Variants in ANKRD11 observed in about 807,000 individuals in gnomAD.
ANKRD11 encodes the protein ankyrin repeat domain-containing protein 11.
A neutral mutation model predicts 195.7 loss-of-function variants in ANKRD11; 17 were observed. The ratio of observed to expected loss-of-function variants is 0.09; its 90% CI spans 0.06 to 0.13. ANKRD11 has a LOEUF of 0.13. Ranked by LOEUF, ANKRD11 falls within the 10% of genes least tolerant of loss-of-function variation. ANKRD11 has a pLI of 1.00. For synonymous variants in ANKRD11, 1,953 were observed against 1,528.1 expected (o/e 1.28, Z -6.49); for missense variants, 3,735 against 3,566.1 (o/e 1.05, Z -1.21).
At position 89,281,346 on chromosome 16, in the gene ANKRD11, G is replaced by A. The variant is rs567432230; in HGVS notation, c.5196C>T (p.Tyr1732=). Residue 1732 remains tyrosine (Y), a synonymous_variant, in exon 9 of 13, where the codon TAC becomes TAT. Coordinates refer to ENST00000301030, the MANE Select transcript of ANKRD11 (RefSeq NM_013275.6). This position sits in a 1 kb window ranked among gnomAD's most constrained non-coding sequence, Gnocchi z 5.5. ...CGGCGCAGTCGAACACGAGGTCCGC[G>A]TAGTCATCGGCGCTGCAGGACGGGG... The part of the protein sequence containing the change: ...PRTPSCSADD[Y]ADLVFDCADS... 2.4e-4 allele frequency: 395 copies of A among 1,612,344 alleles called. 10 individuals are homozygous for A. The South Asian group carries it at 3.8e-3, about 16-fold the overall frequency.
chr16:89,430,239 C>T (rs574214169), intron 1 of ANKRD11, among the ~76,000 whole-genome samples: 2 of 117,574 alleles, frequency 1.7e-5, no homozygotes, highest in Non-Finnish European at 3.5e-5. Flanking sequence ...AACTCTCGCG[C>T]TCAGTCGTTC....
chr16:89,403,792 G>A (rs2041800901), intron 2 of ANKRD11: 1 of 152,162 alleles, frequency 6.6e-6, no homozygotes, highest in African/African-American at 2.4e-5. Context: ...AATTAGGCGG[G>A]TGTGGTGACA....
chr16:89,292,079 C>G (rs886970703), intron 4 of ANKRD11, among the ~76,000 whole-genome samples: 1 of 152,180 alleles, frequency 6.6e-6, no homozygotes, highest in African/African-American at 2.4e-5. Context: ...TCCAGCTGCC[C>G]TGCGGGTTCT....
intron 1 of ANKRD11, among the ~76,000 whole-genome samples, chr16:89,451,266 T>A (rs1369516746): frequency 6.6e-6 from 1 of 152,158 alleles, no homozygotes; most frequent in African/African-American, 2.4e-5. Flanking sequence ...AAGTTAATTA[T>A]CTGTAAAGAC....
chr16:89,271,352 T>C (rs2033138645), intron 11 of ANKRD11: 1 of 278,258 alleles, frequency 3.6e-6, no homozygotes, highest in Non-Finnish European at 7.1e-6. Flanking sequence ...ATTCTCCTGC[T>C]TCAGCCTTCC....
chr16:89,367,307 A>C (rs1447688825), intron 2 of ANKRD11, among the ~76,000 whole-genome samples: 1 of 152,230 alleles, frequency 6.6e-6, no homozygotes, highest in African/African-American at 2.4e-5. Flanking sequence ...CTGGCCCAGC[A>C]GTACCGGGAG....
At chr16:89,418,762 A>C (rs563552422) in intron 1 of ANKRD11, among the ~76,000 whole-genome samples, 114 of 151,014 alleles carry the variant, frequency 7.5e-4, no homozygotes, top group African/African-American at 2.7e-3. Flanking sequence ...AGTTTTTAAA[A>C]GGCCTTTTTT....
chr16:89,284,647 T>G lies in ANKRD11; in HGVS notation c.1895A>C (p.His632Pro). 6.2e-7 allele frequency: 1 copy of G among 1,614,176 alleles called. No individual in the cohort carries two copies. The highest frequency in any genetic ancestry group is 1.6e-4 in the Middle Eastern group (1 of 6,062). ...GTTTTTGTGTTTGTGTTTTGTTTTA[T>G]GTTTTTTGACAACTTTCCCCTCCTT... ...LDKEGKVVKK[H>P]KTKHKHKNKE... Residue 632 changes from histidine (H) to proline (P), a missense_variant, in exon 9 of 13, where the codon CAT becomes CCT. By Grantham distance (77) the His-to-Pro change is moderately conservative. Transcript: ENST00000301030.
chr16:89,408,131 C>A (rs751230270), intron 2 of ANKRD11, among the ~76,000 whole-genome samples: 1 of 152,254 alleles, frequency 6.6e-6, no homozygotes, highest in East Asian at 1.9e-4. Context: ...CAAGACAGCT[C>A]GAAGGACTTG....
chr16:89,284,641 G>A lies in ANKRD11; in HGVS notation c.1901C>T (p.Thr634Ile). Residue 634 changes from threonine to isoleucine, a missense_variant, in exon 9 of 13, where the codon ACA (threonine) becomes ATA (isoleucine). Transcript: ENST00000301030. ...CTCCTTGTTTTTGTGTTTGTGTTTT[G>A]TTTTATGTTTTTTGACAACTTTCCC... ...KEGKVVKKHK[T>I]KHKHKNKEKG... The A allele has an allele frequency of 6.2e-7, 1 of 1,614,096 alleles. No homozygotes were observed. The highest frequency in any genetic ancestry group is 8.5e-7 in the Non-Finnish European group (1 of 1,180,026).
chr16:89,304,828 G>A (rs547210904), intron 4 of ANKRD11, among the ~76,000 whole-genome samples: 1 of 152,320 alleles, frequency 6.6e-6, no homozygotes, highest in East Asian at 1.9e-4. Context: ...TTTACTACAA[G>A]CAATGGAGTT....
intron 4 of ANKRD11, chr16:89,298,379 G>A (rs1473229788): frequency 1.3e-5 from 2 of 152,378 alleles, no homozygotes; most frequent in Non-Finnish European, 2.9e-5. Flanking sequence ...CCGAATGCAT[G>A]GGCGGTGAGA....
At position 89,490,253 on chromosome 16, in the gene ANKRD11, G is replaced by C. The variant is rs1177638287; in HGVS notation, c.-153C>G. 1 of 155,698 alleles carries C rather than the reference G, an allele frequency of 6.4e-6. No individual in the cohort carries two copies. Among genetic ancestry groups the C allele is most frequent in the African/African-American group, 2.4e-5 (1 of 41,142 alleles). 9.6% of individuals were successfully genotyped at this position (155,698 alleles called of 1,614,324 possible). ...CCAGCGGCGCCTCTCACCGTGCTCC[G>C]AGGGCTGCGCGGCTCCGCGACGGCT... On this transcript the variant is annotated 5_prime_UTR_variant, in exon 1 of 13. Transcript: ENST00000301030.
intron 1 of ANKRD11, among the ~76,000 whole-genome samples, chr16:89,475,969 T>C (rs1196769856): frequency 6.6e-6 from 1 of 151,644 alleles, no homozygotes; most frequent in East Asian, 1.9e-4. Flanking sequence ...GATGAAGTGC[T>C]TGAAACCGGG....
rs190782169 is a variant in ANKRD11 at position 89,364,010 on chromosome 16, T to C, written c.-59-46932A>G. ...GGGAGTTGGAGGGTGTGGTGAGCTA[T>C]CATTGTGCCATGCCACTGCATTCCT... On this transcript the variant is annotated intron_variant, in intron 2 of 12. Coordinates refer to ENST00000301030, the MANE Select transcript of ANKRD11 (RefSeq NM_013275.6). Among the ~76,000 whole-genome samples the C allele has an allele frequency of 8.2e-4, 125 of 151,846 alleles. 4 individuals are homozygous for C. Among genetic ancestry groups the C allele is most frequent in the Admixed American group, 5.6e-3 (85 of 15,290 alleles).
Position 89,281,332 on chromosome 16 carries a change from A to G in ANKRD11, c.5210T>C (p.Phe1737Ser). ...CSADDYADLV[F>S]DCADSQHSTP... ...GGAGTGCTGCGAGTCGGCGCAGTCG[A>G]ACACGAGGTCCGCGTAGTCATCGGC... Residue 1737 changes from phenylalanine (F) to serine (S), a missense_variant, in exon 9 of 13, where the codon TTC becomes TCC. Transcript: ENST00000301030. This position sits in a 1 kb window ranked among gnomAD's most constrained non-coding sequence, Gnocchi z 5.5. 1 of 1,613,618 alleles carries G rather than the reference A, an allele frequency of 6.2e-7. No individual in the cohort carries two copies. The highest frequency in any genetic ancestry group is 1.1e-5 in the South Asian group (1 of 91,048).
intron 2 of ANKRD11, among the ~76,000 whole-genome samples, chr16:89,377,182 C>T (rs577705952): frequency 1.5e-4 from 23 of 152,194 alleles, no homozygotes; most frequent in Admixed American, 1.4e-3. Context: ...CCAAACACAG[C>T]GTATCTAATT....
chr16:89,359,846 C>G (rs923271921), intron 2 of ANKRD11, among the ~76,000 whole-genome samples: 1 of 152,122 alleles, frequency 6.6e-6, no homozygotes, highest in African/African-American at 2.4e-5. Flanking sequence ...CTACAAAACC[C>G]TAAGAACAGA....
chr16:89,441,808 T>C (rs1345248402), intron 1 of ANKRD11, among the ~76,000 whole-genome samples: 3 of 118,982 alleles, frequency 2.5e-5, no homozygotes, highest in African/African-American at 9.2e-5. Context: ...AACCTGACTC[T>C]TAAAAAATTA....
Sources: allele counts gnomAD v4.1 joint callset (sites outside exome capture counted in the v4.1 genomes callset), GRCh38; gene constraint gnomAD v4.1.1; non-coding constraint Gnocchi (gnomAD v3.1); transcripts MANE v1.5; gene names NCBI Gene and HGNC (gene_info 2026-07-23, HGNC 2026-07-21).